Variants in MEF2D observed in about 807,000 individuals in gnomAD.
MEF2D encodes myocyte-specific enhancer factor 2D.
Under a neutral mutation model 59.3 loss-of-function variants are expected in MEF2D, and 10 were observed. The observed-to-expected ratio is 0.17, with a 90% CI of 0.10 to 0.29. The LOEUF (loss-of-function observed/expected upper bound fraction) is 0.29. Ranked by LOEUF, MEF2D falls within the 10% of genes least tolerant of loss-of-function variation. The probability of loss-of-function intolerance (pLI) is 1.00; values close to 1 mark genes in which losing one functional copy is unlikely to be tolerated. For synonymous variants in MEF2D, 305 were observed against 295.0 expected (o/e 1.03, Z -0.35); for missense variants, 508 against 699.4 (o/e 0.73, Z 3.09).
chr1:156,485,268 G>A (rs898409692), intron 1 of MEF2D, among the ~76,000 whole-genome samples: 14 of 152,110 alleles, frequency 9.2e-5, no homozygotes, highest in Non-Finnish European at 1.8e-4. Context: ...AGCCTTTCCA[G>A]CCCAACTCTA....
rs1004211518 is a variant in MEF2D at position 156,467,518 on chromosome 1, G to T, written c.*127C>A. On this transcript the variant is annotated 3_prime_UTR_variant, in exon 12 of 12. Coordinates refer to ENST00000348159, the MANE Select transcript of MEF2D (RefSeq NM_005920.4). ...ATAATAATTATACACAAATGTAACC[G>T]TCAACAGGACACGAAGCACAAGAAA... The T allele has an allele frequency of 3.7e-6, 2 of 541,440 alleles. No individual in the cohort carries two copies. Among genetic ancestry groups the T allele is most frequent in the African/African-American group, 3.9e-5 (2 of 51,608 alleles). The allele number at this position is 541,440 out of a possible 1,614,324, so 33.5% of individuals were successfully genotyped here.
intron 1 of MEF2D, among the ~76,000 whole-genome samples, chr1:156,496,884 C>A (rs1223833406): frequency 6.6e-6 from 1 of 152,186 alleles, no homozygotes; most frequent in Non-Finnish European, 1.5e-5. Flanking sequence ...AGGACAAACG[C>A]CTCAGAATAC....
chr1:156,476,469 G>T, intron 8 of MEF2D, 25 bp downstream of exon 8: 1 of 1,610,262 alleles, frequency 6.2e-7, no homozygotes, highest in Non-Finnish European at 8.5e-7. Context: ...CAAAGCCACA[G>T]CAAAGAGCTC....
chr1:156,481,993 C>A (rs1672052100), intron 3 of MEF2D, among the ~76,000 whole-genome samples: 1 of 152,204 alleles, frequency 6.6e-6, no homozygotes, highest in South Asian at 2.1e-4. Context: ...GAAAATAGAA[C>A]TACCGGGCCC....
At chr1:156,479,143 T>C in intron 6 of MEF2D, 147 bp downstream of exon 6, 1 of 601,890 alleles carries the variant, frequency 1.7e-6, no homozygotes, top group Non-Finnish European at 2.7e-6. Flanking sequence ...ATCCAGGGGC[T>C]TAAAAATCTC....
intron 4 of MEF2D, 43 bp from the exon 5 acceptor site, chr1:156,479,839 C>T (rs1244372779): frequency 1.2e-5 from 18 of 1,533,254 alleles, no homozygotes; most frequent in Non-Finnish European, 1.6e-5. Context: ...CAGGTTGACC[C>T]CTTCCATGGA....
chr1:156,487,201 G>T (rs1672431835), intron 1 of MEF2D, among the ~76,000 whole-genome samples: 1 of 152,254 alleles, frequency 6.6e-6, no homozygotes, highest in African/African-American at 2.4e-5. Context: ...CATGCTGGGG[G>T]AGCTGGGACG....
chr1:156,481,015 G>A (rs765816346), intron 3 of MEF2D, 44 bp from the exon 4 acceptor site: 22 of 1,608,504 alleles, frequency 1.4e-5, no homozygotes, highest in Non-Finnish European at 1.7e-5. Flanking sequence ...AGTCCTTCCC[G>A]CCCGCCTCGC....
intron 1 of MEF2D, among the ~76,000 whole-genome samples, chr1:156,493,622 C>A (rs1186876932): frequency 2.0e-5 from 3 of 152,158 alleles, no homozygotes; most frequent in Non-Finnish European, 4.4e-5. Context: ...ATACATGTCG[C>A]CAAATCCGTG....
chr1:156,470,998 T>C (rs750643484), intron 9 of MEF2D, among the ~76,000 whole-genome samples: 10 of 152,122 alleles, frequency 6.6e-5, no homozygotes, highest in Admixed American at 2.6e-4. Context: ...TCAGGAGTTT[T>C]GAAATGCTTA....
chr1:156,483,815 A>T (rs1487489752), intron 1 of MEF2D, among the ~76,000 whole-genome samples: 1 of 152,190 alleles, frequency 6.6e-6, no homozygotes, highest in African/African-American at 2.4e-5. Context: ...TCCCATTCTG[A>T]AGCTTGGAGA....
At chr1:156,477,648 G>T (rs1448224169) in intron 6 of MEF2D, among the ~76,000 whole-genome samples, 8 of 152,306 alleles carry the variant, frequency 5.3e-5, no homozygotes, top group Middle Eastern at 3.4e-3. Flanking sequence ...GATGTGGAAG[G>T]GGTGGCAGCC....
intron 6 of MEF2D, among the ~76,000 whole-genome samples, chr1:156,478,055 G>A (rs1026343818): frequency 2.0e-5 from 3 of 152,232 alleles, no homozygotes; most frequent in African/African-American, 4.8e-5. Context: ...GACCTGCCCA[G>A]GGCCACACAG....
chr1:156,496,439 G>A (rs1164492363), intron 1 of MEF2D, among the ~76,000 whole-genome samples: 4 of 152,120 alleles, frequency 2.6e-5, no homozygotes, highest in Non-Finnish European at 5.9e-5. Context: ...ACACAGAGAG[G>A]GGCACGTGGG....
chr1:156,491,297 A>G lies in MEF2D; in HGVS notation c.-138-7867T>C, dbSNP rs1217959687. Among the ~76,000 whole-genome samples, 3 of 152,134 alleles carry G rather than the reference A, an allele frequency of 2.0e-5. No homozygotes were observed. The East Asian group carries it at 5.8e-4, about 29-fold the overall frequency. On this transcript the variant is annotated intron_variant, in intron 1 of 11. Coordinates refer to ENST00000348159, the MANE Select transcript of MEF2D (RefSeq NM_005920.4). ...TTATGGGTAGCTGGGTGGACTAGGT[A>G]CCCAAATGCCCTTCTGGCCCAAACA...
At position 156,467,556 on chromosome 1, in the gene MEF2D, C is replaced by G; in HGVS notation, c.*89G>C. The stretch of plus-strand genomic sequence containing the variant: ...GAAGCACAAGAAAGGAAGTGGGGGT[C>G]GAGCGGGAGGAGCCCGGGGCAGGGA... On this transcript the variant is annotated 3_prime_UTR_variant, in exon 12 of 12. Transcript: ENST00000348159. 2.8e-6 allele frequency: 3 copies of G among 1,066,404 alleles called. No homozygotes were observed. 66.1% of individuals were successfully genotyped at this position (1,066,404 alleles called of 1,614,324 possible).
rs1571248694 is a variant in MEF2D, at chr1:156,483,350, G to A, written c.-58C>T. The A allele has an allele frequency of 1.4e-5, 21 of 1,501,796 alleles. No individual in the cohort carries two copies. The highest frequency in any genetic ancestry group is 3.4e-5 in the South Asian group (3 of 88,776). 93.0% of individuals were successfully genotyped at this position (1,501,796 alleles called of 1,614,324 possible). Reference sequence around the variant, plus strand: ...AGGGGCTCGCTGGGTGGTGGGTCTCGGCACACCTTACACTGTGCTCATGAA... The same window carrying A: ...AGGGGCTCGCTGGGTGGTGGGTCTCAGCACACCTTACACTGTGCTCATGAA... On this transcript the variant is annotated 5_prime_UTR_variant, in exon 2 of 12. Transcript: ENST00000348159.
rs749838249 is a variant in MEF2D at position 156,477,191 on chromosome 1, C to A, written c.676G>T (p.Val226Phe). Residue 226 changes from valine to phenylalanine, a missense_variant, in exon 7 of 12, where the codon GTC becomes TTC. This residue lies in a region of MEF2D where 481 missense variants were observed against 584.7 expected (regional missense o/e 0.82). Coordinates refer to ENST00000348159, the MANE Select transcript of MEF2D (RefSeq NM_005920.4). Reference protein sequence around the residue: ...ACPSPVGNGYVSARASPGLLP... With the variant: ...ACPSPVGNGYFSARASPGLLP... Reference sequence around the variant, plus strand: ...AGGCCAGGGGAAGCCCGAGCACTGACGTAGCCATTCCCTGGAGAAGTGACA... The same window carrying A: ...AGGCCAGGGGAAGCCCGAGCACTGAAGTAGCCATTCCCTGGAGAAGTGACA... The A allele has an allele frequency of 1.9e-6, 3 of 1,602,084 alleles. No homozygotes were observed. In the South Asian group the frequency reaches 3.3e-5, roughly 18 times the overall value.
chr1:156,499,126 G>GCGCTCCC (rs1375576170), intron 1 of MEF2D, among the ~76,000 whole-genome samples: 2 of 152,162 alleles, frequency 1.3e-5, no homozygotes, highest in Non-Finnish European at 2.9e-5. Context: ...AGGCTGACCT[G>GCGCTCCC]CGCTCCCCTC....
Sources: allele counts gnomAD v4.1 joint callset (sites outside exome capture counted in the v4.1 genomes callset), GRCh38; gene constraint gnomAD v4.1.1; regional missense constraint gnomAD v4.1.1; transcripts MANE v1.5; gene names NCBI Gene and HGNC (gene_info 2026-07-23, HGNC 2026-07-21).